The following CSMD1 variants were observed in gnomAD, a reference collection of about 807,000 sequenced individuals.
CSMD1 encodes CUB and Sushi multiple domains 1, also known as CUB and sushi domain-containing protein 1.
CSMD1 carries 213 observed loss-of-function variants against 417.5 expected under a neutral mutation model. That is an observed-to-expected ratio of 0.51 (90% CI 0.46 to 0.57). The LOEUF (loss-of-function observed/expected upper bound fraction) is 0.57, where lower values mean the gene tolerates loss of function less well. Among genes scored for constraint, CSMD1 ranks in the 20% least tolerant of loss-of-function variants. CSMD1 has a pLI of 0.00. For synonymous variants in CSMD1, 2,862 were observed against 1,736.8 expected, an observed-to-expected ratio of 1.65 and a Z score of -16.11; for missense variants, 6,923 against 4,529.7, an observed-to-expected ratio of 1.53 and a Z score of -15.17.
chr8:4,523,999 G>A (rs1470155111), intron 2 of CSMD1, among the ~76,000 whole-genome samples: 2 of 152,218 alleles, frequency 1.3e-5, no homozygotes, highest in South Asian at 4.2e-4. Flanking sequence ...GGGTCCCTAT[G>A]TTAGGTTTTG....
At chr8:4,210,774 A>C (rs1055672853) in intron 3 of CSMD1, among the ~76,000 whole-genome samples, 1 of 152,238 alleles carries the variant, frequency 6.6e-6, no homozygotes, top group African/African-American at 2.4e-5. Flanking sequence ...TTTTGAATTC[A>C]ATGAGTAAAT....
At chr8:4,263,845 A>G (rs1435579523) in intron 3 of CSMD1, among the ~76,000 whole-genome samples, 2 of 152,212 alleles carry the variant, frequency 1.3e-5, no homozygotes, top group African/African-American at 4.8e-5. Context: ...ATAGCACTCA[A>G]AAACATTAAC....
At chr8:3,827,726 C>G (rs1311354804) in intron 5 of CSMD1, among the ~76,000 whole-genome samples, 1 of 152,166 alleles carries the variant, frequency 6.6e-6, no homozygotes, top group Admixed American at 6.5e-5. Flanking sequence ...TTCCATCCAC[C>G]TCATTGTACT....
At chr8:4,378,650 G>A (rs887560706) in intron 3 of CSMD1, among the ~76,000 whole-genome samples, 1 of 152,176 alleles carries the variant, frequency 6.6e-6, no homozygotes, top group East Asian at 1.9e-4. Context: ...GTGGATAGCA[G>A]CTGCTGGTTT....
intron 5 of CSMD1, among the ~76,000 whole-genome samples, chr8:3,847,361 G>A (rs1023415295): frequency 2.6e-5 from 4 of 152,124 alleles, no homozygotes; most frequent in South Asian, 4.2e-4. Flanking sequence ...GAAGGAAGCA[G>A]AAGTGGTCCC....
At chr8:4,071,367 T>A (rs1416669013) in intron 3 of CSMD1, among the ~76,000 whole-genome samples, 10 of 151,768 alleles carry the variant, frequency 6.6e-5, no homozygotes, top group Admixed American at 5.9e-4. Flanking sequence ...TGTCATTTTG[T>A]ATCTGTTAAG....
chr8:3,294,851 T>C (rs1803846218), intron 25 of CSMD1, among the ~76,000 whole-genome samples: 1 of 151,872 alleles, frequency 6.6e-6, no homozygotes. Context: ...TTTCCGACAC[T>C]CCCCAGTGAG....
At chr8:4,137,609 A>C (rs1384310313) in intron 3 of CSMD1, among the ~76,000 whole-genome samples, 1 of 131,808 alleles carries the variant, frequency 7.6e-6, no homozygotes, top group African/African-American at 2.5e-5. Flanking sequence ...AGATACAAAA[A>C]AGACAACTGT....
intron 5 of CSMD1, among the ~76,000 whole-genome samples, chr8:3,965,227 G>C (rs927093444): frequency 6.6e-6 from 1 of 152,198 alleles, no homozygotes; most frequent in Non-Finnish European, 1.5e-5. Context: ...AACTTGAACA[G>C]AGACGGCAAA....
At chr8:4,288,212 G>A (rs576827594) in intron 3 of CSMD1, among the ~76,000 whole-genome samples, 273 of 152,054 alleles carry the variant, frequency 1.8e-3, no homozygotes, top group Non-Finnish European at 2.5e-3. Context: ...GGATGGATTC[G>A]TCCACTCAGG....
intron 55 of CSMD1, among the ~76,000 whole-genome samples, chr8:2,975,237 T>C (rs1804816555): frequency 6.6e-6 from 1 of 152,190 alleles, no homozygotes; most frequent in African/African-American, 2.4e-5. Flanking sequence ...TCCTTAAAAT[T>C]ATACCAAATC....
chr8:4,459,310 G>T (rs189527641), intron 2 of CSMD1, among the ~76,000 whole-genome samples: 10 of 152,294 alleles, frequency 6.6e-5, no homozygotes, highest in Admixed American at 2.0e-4. Context: ...TAAGGTGAAG[G>T]TTCTATGCCA....
At chr8:3,864,828 CATTTCCTA>C (rs1199429161) in intron 5 of CSMD1, among the ~76,000 whole-genome samples, 1 of 152,160 alleles carries the variant, frequency 6.6e-6, no homozygotes, top group Non-Finnish European at 1.5e-5. Flanking sequence ...TATACAGAAA[CATTTCCTA>C]GACATTTTCC....
At chr8:4,823,165 G>C (rs1256217481) in intron 1 of CSMD1, among the ~76,000 whole-genome samples, 2 of 151,910 alleles carry the variant, frequency 1.3e-5, no homozygotes, top group Non-Finnish European at 2.9e-5. Flanking sequence ...CACAACTGCT[G>C]GTTCCTGTCA....
chr8:3,646,706 C>T (rs1797591234), intron 7 of CSMD1, among the ~76,000 whole-genome samples: 1 of 152,148 alleles, frequency 6.6e-6, no homozygotes, highest in Non-Finnish European at 1.5e-5. Flanking sequence ...TCCTTCTAAA[C>T]AGCGCTTTCG....
intron 1 of CSMD1, among the ~76,000 whole-genome samples, chr8:4,833,790 AG>A (rs1800292855): frequency 6.6e-6 from 1 of 152,222 alleles, no homozygotes; most frequent in Non-Finnish European, 1.5e-5. Flanking sequence ...ATCCCATGGA[AG>A]GATAGATCAG....
At chr8:4,311,293 T>C (rs1299547859) in intron 3 of CSMD1, among the ~76,000 whole-genome samples, 1 of 152,182 alleles carries the variant, frequency 6.6e-6, no homozygotes, top group East Asian at 1.9e-4. Flanking sequence ...ATGTGGCACA[T>C]GTACACCATG....
Position 3,979,740 on chromosome 8 carries a change from C to G in CSMD1, c.818+18163G>C, listed in dbSNP as rs76801895. Among the ~76,000 whole-genome samples, 18 of 152,340 alleles carry G rather than the reference C, an allele frequency of 1.2e-4. No individual in the cohort carries two copies. The East Asian group carries it at 3.1e-3, about 26-fold the overall frequency. On this transcript the variant is annotated intron_variant, in intron 5 of 69. Coordinates refer to ENST00000635120, the MANE Select transcript of CSMD1 (RefSeq NM_033225.6). ...AAGCTGGAACCTTGATCCTAAACTT[C>G]TAGCCTCAGAACTGTGAGAAATAAG...
At chr8:4,796,800 C>A (rs1348787209) in intron 1 of CSMD1, among the ~76,000 whole-genome samples, 2 of 152,174 alleles carry the variant, frequency 1.3e-5, no homozygotes, top group Admixed American at 1.3e-4. Context: ...TGAGTAAATT[C>A]CCCTTTGCAT....
Sources: gnomAD v4.1 joint callset for allele counts (sites outside exome capture counted in the v4.1 genomes callset) on GRCh38, gnomAD v4.1.1 for gene constraint, MANE v1.5 for transcripts, NCBI Gene and HGNC (gene_info 2026-07-23, HGNC 2026-07-21) for gene names.